PPEF1: variants seen among roughly 807,000 people sequenced by gnomAD.
PPEF1 encodes serine/threonine-protein phosphatase with EF-hands 1.
PPEF1 carries 12 observed loss-of-function variants against 53.3 expected under a neutral mutation model. The ratio of observed to expected loss-of-function variants is 0.23; its 90% CI spans 0.14 to 0.36. PPEF1 has a LOEUF of 0.36. Among genes scored for constraint, PPEF1 ranks in the 10% least tolerant of loss-of-function variants. The probability of loss-of-function intolerance (pLI) is 1.00; values close to 1 mark genes in which losing one functional copy is unlikely to be tolerated. For missense variants in PPEF1, 334 were observed against 490.4 expected (o/e 0.68, Z 3.01); for synonymous variants, 165 against 176.7 (o/e 0.93, Z 0.52).
intron 15 of PPEF1, 40 bp downstream of exon 15, chrX:18,825,875 A>AG: frequency 1.0e-6 from 1 of 982,219 alleles, no homozygotes. Flanking sequence ...TAAAAAGTGT[A>AG]TGTGTGTGTG....
chrX:18,676,300 C>T (rs1313780417), intron 1 of PPEF1, among the ~76,000 whole-genome samples: 1 of 111,306 alleles, frequency 9.0e-6, no homozygotes, highest in African/African-American at 3.3e-5. Flanking sequence ...CAATGTTATG[C>T]CCATCTTCCA....
intron 6 of PPEF1, among the ~76,000 whole-genome samples, chrX:18,770,412 C>T (rs1018577603): frequency 9.0e-6 from 1 of 111,695 alleles, no homozygotes. Context: ...AGGGGCTTAA[C>T]ACTGAAAGGA....
In PPEF1 at chrX:18,823,635, A is replaced by T. The variant is rs180894098; in HGVS notation, c.1502-288A>T. Among the ~76,000 whole-genome samples the T allele has an allele frequency of 1.9e-3, 205 of 109,981 alleles. 1 individual carries two copies. The highest frequency in any genetic ancestry group is 6.4e-3 in the Admixed American group (66 of 10,236). Reference sequence around the variant, plus strand: ...AGAGCCAGACTCCTTCTCAAAAAAAAAAATAAATAAATAAATAAGTAAGCA... The same window carrying T: ...AGAGCCAGACTCCTTCTCAAAAAAATAAATAAATAAATAAATAAGTAAGCA... On this transcript the variant is annotated intron_variant, in intron 13 of 15. Coordinates refer to ENST00000470157, the MANE Select transcript of PPEF1 (RefSeq NM_001377996.1).
chrX:18,811,613 ATAT>A (rs1353586533), intron 12 of PPEF1, among the ~76,000 whole-genome samples: 55 of 12,259 alleles, frequency 4.5e-3, no homozygotes, highest in South Asian at 0.014. Context: ...ATATATATAT[ATAT>A]TTTTTTTTTT....
intron 13 of PPEF1, among the ~76,000 whole-genome samples, chrX:18,818,370 C>T: frequency 1.2e-5 from 1 of 81,683 alleles, no homozygotes; most frequent in Non-Finnish European, 2.4e-5. Context: ...CTGAATTAAA[C>T]TTTTTTTTTT....
intron 12 of PPEF1, among the ~76,000 whole-genome samples, chrX:18,816,383 T>C (rs1414323403): frequency 8.9e-6 from 1 of 111,988 alleles, no homozygotes; most frequent in Non-Finnish European, 1.9e-5. Flanking sequence ...AAATCCTAAA[T>C]TTTCTTCAAA....
intron 12 of PPEF1, 22 bp from the exon 13 acceptor site, chrX:18,818,017 C>A: frequency 1.9e-6 from 2 of 1,038,694 alleles, no homozygotes; most frequent in Non-Finnish European, 2.6e-6. Flanking sequence ...TTACTTTTAC[C>A]TAATTATTGT....
At chrX:18,737,872 T>A (rs369568445) in intron 3 of PPEF1, among the ~76,000 whole-genome samples, 4 of 111,857 alleles carry the variant, frequency 3.6e-5, no homozygotes, top group African/African-American at 9.7e-5. Flanking sequence ...CTTTACCATT[T>A]TGTAATGGCC....
intron 1 of PPEF1, among the ~76,000 whole-genome samples, chrX:18,716,055 C>T (rs780134737): frequency 6.3e-5 from 7 of 111,834 alleles, no homozygotes; most frequent in African/African-American, 1.3e-4. Context: ...AAAGACAATC[C>T]GTGCTTTTTT....
chrX:18,756,153 T>TA (rs1329719752), intron 4 of PPEF1, among the ~76,000 whole-genome samples: 2 of 110,737 alleles, frequency 1.8e-5, no homozygotes, highest in African/African-American at 6.6e-5. Flanking sequence ...TTATTTCAAC[T>TA]AAAAAAATGA....
At chrX:18,727,332 G>A (rs1298841677) in intron 1 of PPEF1, among the ~76,000 whole-genome samples, 2 of 111,273 alleles carry the variant, frequency 1.8e-5, no homozygotes, top group African/African-American at 6.5e-5. Flanking sequence ...CATCATGATA[G>A]CGACTGTCCC....
Position 18,757,715 on chromosome X carries a change from C to T in PPEF1, c.485C>T (p.Ser162Phe), listed in dbSNP as rs939041358. 1.3e-5 allele frequency: 16 copies of T among 1,207,905 alleles called. No homozygotes were observed. Among genetic ancestry groups the T allele is most frequent in the African/African-American group, 3.5e-5 (2 of 57,187 alleles). The part of the protein sequence containing the change: ...QMPNFTHIQT[S>F]PSKEVTICGD... ...CCGAATTTCACTCACATACAAACTT[C>T]TCCCTCCAAAGAGGTAACAATCTGT... The change falls in exon 5 of 16, where the codon TCT (serine) becomes TTT (phenylalanine). Residue 162 changes from serine (S) to phenylalanine (F), a missense_variant. Coordinates refer to ENST00000470157, the MANE Select transcript of PPEF1 (RefSeq NM_001377996.1).
intron 4 of PPEF1, among the ~76,000 whole-genome samples, chrX:18,695,315 T>C (rs1905247312): frequency 8.9e-6 from 1 of 112,787 alleles, no homozygotes; most frequent in Admixed American, 9.4e-5. Context: ...GATAATAGGG[T>C]CTGCTAGCAA....
chrX:18,680,510 C>T (rs1391400454), upstream of PPEF1, among the ~76,000 whole-genome samples: 1 of 103,202 alleles, frequency 9.7e-6, no homozygotes, highest in Non-Finnish European at 2.0e-5. Flanking sequence ...TTCACTGCAA[C>T]CTCCGCCTCC....
intron 4 of PPEF1, among the ~76,000 whole-genome samples, chrX:18,754,344 A>G (rs746303813): frequency 9.0e-6 from 1 of 111,233 alleles, no homozygotes; most frequent in Non-Finnish European, 1.9e-5. Flanking sequence ...AGAGTTGCCT[A>G]CATGACCGTT....
intron 1 of PPEF1, among the ~76,000 whole-genome samples, chrX:18,723,887 C>A (rs1187676665): frequency 9.1e-6 from 1 of 109,850 alleles, no homozygotes; most frequent in African/African-American, 3.3e-5. Context: ...TCAAGTGATT[C>A]TCATGCCTTG....
intron 1 of PPEF1, among the ~76,000 whole-genome samples, chrX:18,722,780 T>A (rs1036382576): frequency 1.8e-4 from 20 of 110,414 alleles, no homozygotes; most frequent in African/African-American, 6.3e-4. Flanking sequence ...TGGTGATAAG[T>A]GCTATGGAGA....
In PPEF1 at chrX:18,796,014, G is replaced by A. The variant is rs189405307; in HGVS notation, c.1065+6741G>A. On this transcript the variant is annotated intron_variant, in intron 10 of 15. Coordinates refer to ENST00000470157, the MANE Select transcript of PPEF1 (RefSeq NM_001377996.1). ...TCTGTCACCCAGGCTGGAGTGCAGT[G>A]GCGCAATCTCAGCTCATTGCAACCT... Among the ~76,000 whole-genome samples the A allele has an allele frequency of 8.1e-4, 91 of 112,239 alleles. 1 individual carries two copies. The highest frequency in any genetic ancestry group is 7.1e-3 in the Admixed American group (75 of 10,581).
intron 3 of PPEF1, among the ~76,000 whole-genome samples, chrX:18,736,831 T>G (rs1467773342): frequency 1.8e-5 from 2 of 112,465 alleles, no homozygotes; most frequent in African/African-American, 3.2e-5. Context: ...TATTCAGAGA[T>G]TCAACTTCTT....
Sources: gnomAD v4.1 joint callset for allele counts (sites outside exome capture counted in the v4.1 genomes callset) on GRCh38, gnomAD v4.1.1 for gene constraint, MANE v1.5 for transcripts, NCBI Gene and HGNC (gene_info 2026-07-23, HGNC 2026-07-21) for gene names.